Variants in LINGO2 observed in about 807,000 individuals in gnomAD.
LINGO2 encodes leucine-rich repeat and immunoglobulin-like domain-containing nogo receptor-interacting protein 2.
Under a neutral mutation model 30.6 loss-of-function variants are expected in LINGO2, and 14 were observed. The observed-to-expected ratio is 0.46, with a 90% CI of 0.30 to 0.72. The LOEUF (loss-of-function observed/expected upper bound fraction) is 0.72, where lower values mean the gene tolerates loss of function less well. Among genes scored for constraint, LINGO2 ranks in the 30% least tolerant of loss-of-function variants. LINGO2 has a pLI of 0.07. For synonymous variants in LINGO2, 317 were observed against 288.5 expected, an observed-to-expected ratio of 1.10 and a Z score of -1.00; for missense variants, 729 against 751.7, an observed-to-expected ratio of 0.97 and a Z score of 0.35.
chr9:28,897,403 T>C, the LINGO2 span, among the ~76,000 whole-genome samples: 1 of 152,170 alleles, frequency 6.6e-6, no homozygotes, highest in Non-Finnish European at 1.5e-5. Context: ...GCCCTCTTGC[T>C]GGTACCATAT....
chr9:28,874,369 A>T, the LINGO2 span, among the ~76,000 whole-genome samples: 1 of 152,054 alleles, frequency 6.6e-6, no homozygotes, highest in African/African-American at 2.4e-5. Flanking sequence ...TAAAGCAAAT[A>T]ATGGAAGAAA....
At chr9:28,461,899 T>G (rs1173062028) in intron 2 of LINGO2, among the ~76,000 whole-genome samples, 1 of 152,152 alleles carries the variant, frequency 6.6e-6, no homozygotes, top group Non-Finnish European at 1.5e-5. Context: ...AACTACTCTG[T>G]GAGTTATTAG....
At chr9:28,168,606 A>G (rs1000436253) in intron 4 of LINGO2, among the ~76,000 whole-genome samples, 3 of 152,226 alleles carry the variant, frequency 2.0e-5, no homozygotes, top group African/African-American at 7.2e-5. Flanking sequence ...ATGGCTATAA[A>G]TTAGTTTTCA....
the LINGO2 span, among the ~76,000 whole-genome samples, chr9:29,142,985 A>G: frequency 5.3e-5 from 8 of 152,152 alleles, 1 homozygote; most frequent in South Asian, 1.7e-3. Context: ...AAATCAGTGG[A>G]ATTTTAATTC....
intron 2 of LINGO2, among the ~76,000 whole-genome samples, chr9:28,435,962 G>T (rs1211363723): frequency 6.6e-6 from 1 of 152,112 alleles, no homozygotes; most frequent in African/African-American, 2.4e-5. Context: ...TAACATTCTT[G>T]CCACTTATTT....
chr9:28,238,753 A>T (rs868147700), intron 4 of LINGO2, among the ~76,000 whole-genome samples: 20 of 152,238 alleles, frequency 1.3e-4, no homozygotes, highest in African/African-American at 4.6e-4. Context: ...ATCAAGAGCA[A>T]ACCAAATCCA....
At chr9:29,015,543 T>C in the LINGO2 span, among the ~76,000 whole-genome samples, 132,791 of 152,068 alleles carry the variant, frequency 0.87, 58,609 homozygotes, top group Non-Finnish European at 0.93. Context: ...TCTAATAAAA[T>C]TTTATTTACA....
intron 4 of LINGO2, among the ~76,000 whole-genome samples, chr9:28,240,368 C>G (rs184741212): frequency 6.6e-6 from 1 of 152,250 alleles, no homozygotes; most frequent in East Asian, 1.9e-4. Flanking sequence ...CATTACCTGA[C>G]TTCAAATTAT....
At chr9:28,986,532 G>C in the LINGO2 span, among the ~76,000 whole-genome samples, 1 of 151,794 alleles carries the variant, frequency 6.6e-6, no homozygotes, top group East Asian at 1.9e-4. Context: ...ATTTATTTGT[G>C]TCTTCTTCAG....
chr9:28,347,232 T>C (rs1295728667), intron 3 of LINGO2, among the ~76,000 whole-genome samples: 1 of 152,222 alleles, frequency 6.6e-6, no homozygotes, highest in Non-Finnish European at 1.5e-5. Context: ...GCAAAAATTA[T>C]TAAACCTATT....
At chr9:28,000,248 T>C (rs534180699) in intron 5 of LINGO2, among the ~76,000 whole-genome samples, 17 of 152,324 alleles carry the variant, frequency 1.1e-4, no homozygotes, top group African/African-American at 3.6e-4. Context: ...GTAAGCTTTT[T>C]GGTAACTTGA....
chr9:28,838,230 T>C, the LINGO2 span, among the ~76,000 whole-genome samples: 8 of 151,996 alleles, frequency 5.3e-5, no homozygotes, highest in African/African-American at 1.9e-4. Flanking sequence ...GATATGAGAG[T>C]CCAACTGCCT....
intron 5 of LINGO2, among the ~76,000 whole-genome samples, chr9:27,997,612 G>A (rs781055642): frequency 8.5e-5 from 13 of 152,148 alleles, no homozygotes; most frequent in African/African-American, 2.9e-4. Flanking sequence ...TTTTTACTGT[G>A]TACTTACTAT....
the LINGO2 span, among the ~76,000 whole-genome samples, chr9:28,848,240 C>T: frequency 1.0e-5 from 1 of 96,750 alleles, no homozygotes; most frequent in South Asian, 3.1e-4. Context: ...TATATATACA[C>T]ACTATATATA....
chr9:28,942,765 C>T, the LINGO2 span, among the ~76,000 whole-genome samples: 1 of 152,122 alleles, frequency 6.6e-6, no homozygotes, highest in East Asian at 1.9e-4. Context: ...TATTTTTACA[C>T]TTATTTGTCT....
chr9:29,046,235 C>T, the LINGO2 span, among the ~76,000 whole-genome samples: 1 of 152,142 alleles, frequency 6.6e-6, no homozygotes, highest in Non-Finnish European at 1.5e-5. Context: ...TGCTTCCAGC[C>T]TTTGCCCATT....
chr9:28,498,480 G>A (rs1161289755), intron 1 of LINGO2, among the ~76,000 whole-genome samples: 1 of 152,232 alleles, frequency 6.6e-6, no homozygotes, highest in African/African-American at 2.4e-5. Flanking sequence ...TAATCTCCTG[G>A]TGTGCCGTTT....
At chr9:28,411,205 A>G (rs1292547746) in intron 2 of LINGO2, among the ~76,000 whole-genome samples, 1 of 152,106 alleles carries the variant, frequency 6.6e-6, no homozygotes, top group Non-Finnish European at 1.5e-5. Context: ...AGTTATTTAA[A>G]AACCAGGCAA....
At chr9:28,935,262 G>A in the LINGO2 span, among the ~76,000 whole-genome samples, 5 of 151,958 alleles carry the variant, frequency 3.3e-5, no homozygotes, top group African/African-American at 4.8e-5. Context: ...ACATTCAACC[G>A]GAATAACAGC....
Sources: allele counts gnomAD v4.1 joint callset (sites outside exome capture counted in the v4.1 genomes callset), GRCh38; gene constraint gnomAD v4.1.1; transcripts MANE v1.5; gene names NCBI Gene and HGNC (gene_info 2026-07-23, HGNC 2026-07-21).